The following RPS21 variants were observed in gnomAD, a reference collection of about 807,000 sequenced individuals.
The protein encoded by RPS21 is ribosomal protein S21.
RPS21 carries 6 observed loss-of-function variants against 14.5 expected under a neutral mutation model. That is an observed-to-expected ratio of 0.41 (90% CI 0.23 to 0.82). RPS21 has a LOEUF of 0.82. Among genes scored for constraint, RPS21 ranks in the 40% least tolerant of loss-of-function variants. RPS21 has a pLI of 0.31. For missense variants in RPS21, 85 were observed against 115.0 expected, an observed-to-expected ratio of 0.74 and a Z score of 1.19; for synonymous variants, 61 against 42.6, an observed-to-expected ratio of 1.43 and a Z score of -1.69.
chr20:62,387,557 T>G, intron 2 of RPS21, 54 bp from the exon 3 acceptor site: 1 of 1,592,910 alleles, frequency 6.3e-7, no homozygotes, highest in Admixed American at 1.7e-5. Flanking sequence ...CCTCGTCCCC[T>G]CTTTCATTCT....
chr20:62,387,989 G>A lies in RPS21; in HGVS notation c.186+75G>A, dbSNP rs1203734517. 1.9e-6 allele frequency: 3 copies of A among 1,613,834 alleles called. No homozygotes were observed. The South Asian group carries it at 3.3e-5, about 18-fold the overall frequency. On this transcript the variant is annotated intron_variant, in intron 4 of 5. Transcript: ENST00000343986. ...TACCGTGCGCATTGGAGTGTGTGAT[G>A]GTGCCTGAGTAGATCTGCTGGCAGA...
At chr20:62,388,025 C>T (rs763183334) in intron 4 of RPS21, 111 bp downstream of exon 4, 3 of 1,598,646 alleles carry the variant, frequency 1.9e-6, no homozygotes, top group East Asian at 2.3e-5. Flanking sequence ...GTAGTTTGAG[C>T]CAGCTGGACT....
At chr20:62,387,508 C>A in intron 2 of RPS21, 103 bp from the exon 3 acceptor site, 13 of 1,586,782 alleles carry the variant, frequency 8.2e-6, no homozygotes, top group Non-Finnish European at 1.1e-5. Context: ...TTGTCCTGCC[C>A]CCGACGTTAC....
Position 62,387,404 on chromosome 20 carries a change from A to G in RPS21, c.50+16A>G, listed in dbSNP as rs1038026809. On this transcript the variant is annotated intron_variant, in intron 2 of 5. Coordinates refer to ENST00000343986, the MANE Select transcript of RPS21 (RefSeq NM_001024.4). Reference sequence around the variant, plus strand: ...CGCGGAAATGGTAAGCGCCCCCCACATGCCTCTCTTCCGTCCTTACCTAAC... The same window carrying G: ...CGCGGAAATGGTAAGCGCCCCCCACGTGCCTCTCTTCCGTCCTTACCTAAC... 4 of 1,607,698 alleles carry G rather than the reference A, an allele frequency of 2.5e-6. No individual in the cohort carries two copies. Among genetic ancestry groups the G allele is most frequent in the Non-Finnish European group, 3.4e-6 (4 of 1,177,298 alleles).
intron 4 of RPS21, 187 bp downstream of exon 4, chr20:62,388,101 G>T: frequency 3.9e-6 from 6 of 1,525,982 alleles, no homozygotes; most frequent in Non-Finnish European, 5.3e-6. Flanking sequence ...TCAGGCAGCA[G>T]ACTCTGCCTC....
intron 4 of RPS21, 133 bp from the exon 5 acceptor site, chr20:62,388,176 G>A: frequency 6.8e-7 from 1 of 1,461,982 alleles, no homozygotes. Context: ...CCCGGGAGAG[G>A]TGGCTCCCCT....
intron 4 of RPS21, 167 bp downstream of exon 4, chr20:62,388,081 G>A: frequency 6.5e-7 from 1 of 1,546,322 alleles, no homozygotes; most frequent in Non-Finnish European, 8.7e-7. Context: ...GGGGTGCTCT[G>A]AGAAGACACT....
At chr20:62,388,164 G>T (rs376578596) in intron 4 of RPS21, 145 bp from the exon 5 acceptor site, 7 of 1,469,690 alleles carry the variant, frequency 4.8e-6, no homozygotes, top group African/African-American at 2.8e-5. Context: ...GCTGCAGGCT[G>T]CCCCGGGAGA....
intron 3 of RPS21, 54 bp from the exon 4 acceptor site, chr20:62,387,789 A>G: frequency 6.2e-7 from 1 of 1,613,712 alleles, no homozygotes; most frequent in African/African-American, 1.3e-5. Flanking sequence ...GGCTTTGAGG[A>G]TTGGTGTTTC....
rs1369368955 is a variant in RPS21 at position 62,387,635 on chromosome 20, T to G, written c.75T>G (p.Gly25=). ...RKCSASNRII[G]AKDHASIQMN... is the part of the protein sequence containing the mutation. ...GCTCCGCTAGCAATCGCATCATCGGTGCCAAGGACCACGCATCCATCCAGA... is the reference window on the plus strand; with the variant it reads ...GCTCCGCTAGCAATCGCATCATCGGGGCCAAGGACCACGCATCCATCCAGA... The change falls in exon 3 of 6, where the codon GGT becomes GGG. Residue 25 remains glycine, a synonymous_variant. Coordinates refer to ENST00000343986, the MANE Select transcript of RPS21 (RefSeq NM_001024.4). 6.2e-7 allele frequency: 1 copy of G among 1,613,840 alleles called. No individual in the cohort carries two copies. Among genetic ancestry groups the G allele is most frequent in the East Asian group, 2.2e-5 (1 of 44,876 alleles).
intron 4 of RPS21, 112 bp downstream of exon 4, chr20:62,388,026 C>A: frequency 6.3e-7 from 1 of 1,597,610 alleles, no homozygotes. Flanking sequence ...TAGTTTGAGC[C>A]AGCTGGACTG....
intron 1 of RPS21, 60 bp downstream of exon 1, chr20:62,387,196 TGGACGCGGG>T (rs1016822540): frequency 4.6e-6 from 3 of 658,232 alleles, no homozygotes; most frequent in Non-Finnish European, 7.4e-6. Flanking sequence ...AGTGGGGGCT[TGGACGCGGG>T]GGACGGGGTG....
In RPS21 at chr20:62,387,150, C is replaced by T; in HGVS notation, c.-19+14C>T. 4.0e-6 allele frequency: 2 copies of T among 498,136 alleles called. No individual in the cohort carries two copies. The highest frequency in any genetic ancestry group is 2.1e-5 in the African/African-American group (1 of 48,774). 30.9% of individuals were successfully genotyped at this position (498,136 alleles called of 1,614,324 possible). A position where few individuals can be genotyped will look rare whatever the true frequency, so the allele number is the denominator to read the frequency against. On this transcript the variant is annotated intron_variant, in intron 1 of 5. Coordinates refer to ENST00000343986, the MANE Select transcript of RPS21 (RefSeq NM_001024.4). Reference sequence around the variant, plus strand: ...TGGTGGCAGCAGGTGTGGCGCGCGGCGCGGGCTTCGGGCTCAGGGCTGGGG... The same window carrying T: ...TGGTGGCAGCAGGTGTGGCGCGCGGTGCGGGCTTCGGGCTCAGGGCTGGGG...
In RPS21 at chr20:62,388,511, T is replaced by G. The variant is rs1004245899; in HGVS notation, c.*45T>G. 6.2e-7 allele frequency: 1 copy of G among 1,602,592 alleles called. No homozygotes were observed. ...TGGAATATTTGTCATAAATAAATAA[T>G]GAAAACCTACCTGTGCAGGTTCATT... On this transcript the variant is annotated 3_prime_UTR_variant, in exon 6 of 6. Coordinates refer to ENST00000343986, the MANE Select transcript of RPS21 (RefSeq NM_001024.4).
chr20:62,387,137 G>C lies in RPS21; in HGVS notation c.-19+1G>C, dbSNP rs1423830179. 1.0e-5 allele frequency: 5 copies of C among 495,274 alleles called. No individual in the cohort carries two copies. The highest frequency in any genetic ancestry group is 1.8e-5 in the Non-Finnish European group (5 of 283,128). 30.7% of individuals were successfully genotyped at this position (495,274 alleles called of 1,614,324 possible). ...CTCGCGCGCGGTGTGGTGGCAGCAG[G>C]TGTGGCGCGCGGCGCGGGCTTCGGG... On this transcript the variant is annotated splice_donor_variant, in intron 1 of 5. Transcript: ENST00000343986. LOFTEE classifies it low-confidence loss of function (5UTR_SPLICE).
intron 2 of RPS21, 92 bp downstream of exon 2, chr20:62,387,480 C>T (rs79903999): frequency 6.3e-6 from 10 of 1,588,222 alleles, no homozygotes; most frequent in East Asian, 2.2e-5. Flanking sequence ...CCCGTCCTTA[C>T]CTCGTCACGT....
chr20:62,387,702 G>A (rs746270618), intron 3 of RPS21, 28 bp downstream of exon 3: 175 of 1,614,002 alleles, frequency 1.1e-4, no homozygotes, highest in Non-Finnish European at 1.3e-4. Flanking sequence ...GAGGCGGGAA[G>A]GTTGTGATAT....
rs1987763216 is a variant in RPS21, at chr20:62,387,273, G to T, written c.-18-48G>T. On this transcript the variant is annotated intron_variant, in intron 1 of 5. Transcript: ENST00000343986. ...TAGGGGCCGGTTTGCGCCGGGAGCC[G>T]GGGCACGGTTCCGGCCGTACTCACG... 2.1e-6 allele frequency: 3 copies of T among 1,452,156 alleles called. No homozygotes were observed. In the African/African-American group the frequency reaches 4.2e-5, roughly 20 times the overall value. The allele number at this position is 1,452,156 out of a possible 1,614,324, so 90.0% of individuals were successfully genotyped here.
At chr20:62,387,501 T>C in intron 2 of RPS21, 110 bp from the exon 3 acceptor site, 2 of 1,588,154 alleles carry the variant, frequency 1.3e-6, no homozygotes, top group Non-Finnish European at 1.7e-6. Flanking sequence ...CCCTAACTTG[T>C]CCTGCCCCCG....
Sources: gnomAD v4.1 joint callset for allele counts on GRCh38, gnomAD v4.1.1 for gene constraint, MANE v1.5 for transcripts, NCBI Gene and HGNC (gene_info 2026-07-23, HGNC 2026-07-21) for gene names.